Variants in FAF1 observed in about 807,000 individuals in gnomAD.
The protein encoded by FAF1 is Fas associated factor 1, also known as FAS-associated factor 1.
In FAF1, 25 loss-of-function variants were observed where a neutral mutation model predicts 92.5. The ratio of observed to expected loss-of-function variants is 0.27; its 90% CI spans 0.20 to 0.38. FAF1 has a LOEUF of 0.38. Ranked by LOEUF, FAF1 falls within the 10% of genes least tolerant of loss-of-function variation. The pLI, the probability that FAF1 is intolerant of heterozygous loss-of-function variation, is 1.00. For synonymous variants in FAF1, 234 were observed against 273.2 expected, an observed-to-expected ratio of 0.86 and a Z score of 1.42; for missense variants, 636 against 793.3, an observed-to-expected ratio of 0.80 and a Z score of 2.38.
intron 1 of FAF1, among the ~76,000 whole-genome samples, chr1:50,954,492 G>C (rs1557603160): frequency 6.6e-6 from 1 of 150,750 alleles, no homozygotes. Context: ...CCTGGAAAAC[G>C]TAACAAGACC....
chr1:50,453,699 T>C (rs565018388), intron 18 of FAF1, among the ~76,000 whole-genome samples: 1 of 152,308 alleles, frequency 6.6e-6, no homozygotes, highest in South Asian at 2.1e-4. Flanking sequence ...CCCAAACTCC[T>C]GGGCTTAAGC....
At chr1:50,671,520 A>G (rs1463706036) in intron 7 of FAF1, among the ~76,000 whole-genome samples, 1 of 152,166 alleles carries the variant, frequency 6.6e-6, no homozygotes, top group African/African-American at 2.4e-5. Context: ...GATTACATTG[A>G]ATTAGATGTT....
intron 15 of FAF1, among the ~76,000 whole-genome samples, chr1:50,506,704 A>C (rs947479235): frequency 2.0e-5 from 3 of 152,228 alleles, no homozygotes; most frequent in Non-Finnish European, 4.4e-5. Context: ...GTGAATGCTT[A>C]CTATACATAC....
rs752750745 is a variant in FAF1, at chr1:50,582,687, G to A, written c.1044C>T (p.Cys348=). 1.2e-6 allele frequency: 2 copies of A among 1,605,674 alleles called. No individual in the cohort carries two copies. Among genetic ancestry groups the A allele is most frequent in the South Asian group, 1.1e-5 (1 of 90,880 alleles). Residue 348 remains cysteine, a synonymous_variant, in exon 12 of 19, where the codon TGC becomes TGT. Transcript: ENST00000396153. ...TAEFSSRYGD[C]HPVFFIGSLE... is the part of the protein sequence containing the mutation. Reference sequence around the variant, plus strand: ...ATGAGCCAATAAAAAATACAGGATGGCAATCACCATATCTATAGGAAAAAG... The same window carrying A: ...ATGAGCCAATAAAAAATACAGGATGACAATCACCATATCTATAGGAAAAAG...
intron 1 of FAF1, among the ~76,000 whole-genome samples, chr1:50,900,840 T>G (rs1474846592): frequency 6.6e-6 from 1 of 152,178 alleles, no homozygotes; most frequent in African/African-American, 2.4e-5. Context: ...TTTATGTGTG[T>G]GTGGGTATAC....
At chr1:50,818,899 T>C (rs1644004082) in intron 2 of FAF1, among the ~76,000 whole-genome samples, 1 of 152,152 alleles carries the variant, frequency 6.6e-6, no homozygotes, top group Admixed American at 6.5e-5. Flanking sequence ...AATTCATTTA[T>C]GCTTCATATA....
chr1:50,758,590 T>G (rs1324239682), intron 4 of FAF1, among the ~76,000 whole-genome samples: 1 of 152,198 alleles, frequency 6.6e-6, no homozygotes, highest in Non-Finnish European at 1.5e-5. Flanking sequence ...TAACCAAATA[T>G]TTACAATTTC....
chr1:50,815,346 C>T (rs1643958186), intron 2 of FAF1, among the ~76,000 whole-genome samples: 2 of 152,108 alleles, frequency 1.3e-5, no homozygotes, highest in South Asian at 2.1e-4. Flanking sequence ...AGTTAATTCG[C>T]TTAGGATTAT....
At chr1:50,742,245 T>G (rs1659416758) in intron 5 of FAF1, among the ~76,000 whole-genome samples, 1 of 151,446 alleles carries the variant, frequency 6.6e-6, no homozygotes, top group Non-Finnish European at 1.5e-5. Flanking sequence ...GTCTAGGAGG[T>G]CAAGGCAGCA....
intron 6 of FAF1, 145 bp from the exon 7 acceptor site, chr1:50,706,036 G>A: frequency 1.8e-6 from 1 of 559,838 alleles, no homozygotes; most frequent in Non-Finnish European, 3.2e-6. Context: ...AGCTCCTAAA[G>A]GCAAGAGAAC....
intron 9 of FAF1, among the ~76,000 whole-genome samples, chr1:50,587,798 G>T (rs974289115): frequency 1.3e-5 from 2 of 152,168 alleles, no homozygotes; most frequent in African/African-American, 4.8e-5. Flanking sequence ...GCTATGACAT[G>T]TAAATTCAGA....
At chr1:50,653,663 C>A (rs1038954117) in intron 8 of FAF1, among the ~76,000 whole-genome samples, 3 of 152,166 alleles carry the variant, frequency 2.0e-5, no homozygotes, top group Non-Finnish European at 4.4e-5. Context: ...GTCAGGAGTT[C>A]AAGACCAGCC....
At chr1:50,802,423 AAAT>A (rs1164432910) in intron 2 of FAF1, among the ~76,000 whole-genome samples, 1 of 152,182 alleles carries the variant, frequency 6.6e-6, no homozygotes, top group Non-Finnish European at 1.5e-5. Flanking sequence ...ATTGAGAAGA[AAAT>A]AATATAGAGG....
chr1:50,863,853 A>G (rs1644456419), intron 1 of FAF1, among the ~76,000 whole-genome samples: 3 of 152,050 alleles, frequency 2.0e-5, no homozygotes, highest in Admixed American at 6.6e-5. Flanking sequence ...TTGGTTGGTA[A>G]GCTACTGATT....
chr1:50,790,943 A>G (rs750549618), intron 3 of FAF1, among the ~76,000 whole-genome samples: 8 of 152,170 alleles, frequency 5.3e-5, no homozygotes, highest in Non-Finnish European at 1.0e-4. Context: ...AGGACCAACT[A>G]TTGTTCCATA....
At chr1:50,898,985 C>G (rs540549478) in intron 1 of FAF1, among the ~76,000 whole-genome samples, 2 of 152,146 alleles carry the variant, frequency 1.3e-5, no homozygotes, top group African/African-American at 4.8e-5. Flanking sequence ...TCCAATTACA[C>G]GTTTTTTAGA....
At chr1:50,679,373 C>T (rs1656323191) in intron 7 of FAF1, among the ~76,000 whole-genome samples, 2 of 150,794 alleles carry the variant, frequency 1.3e-5, no homozygotes, top group Non-Finnish European at 2.9e-5. Context: ...GCATTACATG[C>T]CATGTGCTTT....
chr1:50,550,905 G>A, intron 13 of FAF1, among the ~76,000 whole-genome samples: 1 of 152,064 alleles, frequency 6.6e-6, no homozygotes, highest in Admixed American at 6.6e-5. Context: ...AACTGTAAAT[G>A]GTAAAATGTA....
At chr1:50,614,188 C>T (rs1333307482) in intron 8 of FAF1, among the ~76,000 whole-genome samples, 1 of 152,038 alleles carries the variant, frequency 6.6e-6, no homozygotes, top group East Asian at 1.9e-4. Flanking sequence ...TATTTTGGCA[C>T]ATGGTAAAAG....
Sources: allele counts gnomAD v4.1 joint callset (sites outside exome capture counted in the v4.1 genomes callset), GRCh38; gene constraint gnomAD v4.1.1; transcripts MANE v1.5; gene names NCBI Gene and HGNC (gene_info 2026-07-23, HGNC 2026-07-21).